Variants in KCNQ1OT1 observed in about 807,000 individuals in gnomAD.
KCNQ1OT1 encodes the protein KCNQ1 antisense RNA 2 (non-protein coding).
exon 1 of KCNQ1OT1, chr11:2,692,129 T>A (rs1373775280): frequency 2.5e-6 from 1 of 398,618 alleles, no homozygotes; most frequent in Non-Finnish European, 4.4e-6. Flanking sequence ...TAGCCCACTC[T>A]ACTGAAGGCC....
exon 1 of KCNQ1OT1, chr11:2,684,752 G>C (rs1850455100): frequency 2.5e-6 from 1 of 398,648 alleles, no homozygotes; most frequent in Middle Eastern, 6.3e-4. Flanking sequence ...GGGAGAAAAG[G>C]GGTAAGGGAG....
exon 1 of KCNQ1OT1, chr11:2,629,902 A>G: frequency 2.5e-6 from 1 of 398,112 alleles, no homozygotes; most frequent in Non-Finnish European, 4.4e-6. Context: ...TTCTGATTTG[A>G]GTGTATTTAT....
At chr11:2,684,021 T>G (rs1431547662) in exon 1 of KCNQ1OT1, 1 of 398,302 alleles carries the variant, frequency 2.5e-6, no homozygotes, top group African/African-American at 2.1e-5. Flanking sequence ...TTAGTCAACA[T>G]CAGCTAACTT....
At position 2,673,329 on chromosome 11, in the gene KCNQ1OT1, T is replaced by G. The variant is rs1293028244; in HGVS notation, n.26666A>C. ...AATCCCACAGGCTACCAGGCCAGCTTTTGGAAACAGTCTCATTAGCAAACA... is the reference window on the plus strand; with the variant it reads ...AATCCCACAGGCTACCAGGCCAGCTGTTGGAAACAGTCTCATTAGCAAACA... On this transcript the variant is annotated non_coding_transcript_exon_variant, in exon 1 of 1. Transcript: ENST00000597346. This position sits in a 1 kb window ranked among gnomAD's most constrained non-coding sequence, Gnocchi z 4.5. The G allele has an allele frequency of 5.0e-6, 2 of 398,594 alleles. No individual in the cohort carries two copies. Among genetic ancestry groups the G allele is most frequent in the Non-Finnish European group, 8.8e-6 (2 of 226,156 alleles). The allele number at this position is 398,594 out of a possible 1,614,324, so 24.7% of individuals were successfully genotyped here.
chr11:2,635,606 C>T (rs1299011698), exon 1 of KCNQ1OT1: 1 of 152,188 alleles, frequency 6.6e-6, no homozygotes, highest in Non-Finnish European at 1.5e-5. Context: ...AGTTTGAAGT[C>T]AGGTAGCGTG....
rs1019414719 is a variant in KCNQ1OT1 at position 2,670,329 on chromosome 11, G to C, written n.29666C>G. On this transcript the variant is annotated non_coding_transcript_exon_variant, in exon 1 of 1. Transcript: ENST00000597346. This position sits in a 1 kb window ranked among gnomAD's most constrained non-coding sequence, Gnocchi z 4.9. Reference sequence around the variant, plus strand: ...AGAGATAATCTCAAATATGGTAGCAGAGTTCAGACTCAGTGGCTTTCAGAT... The same window carrying C: ...AGAGATAATCTCAAATATGGTAGCACAGTTCAGACTCAGTGGCTTTCAGAT... The C allele has an allele frequency of 2.5e-6, 1 of 398,462 alleles. No homozygotes were observed. The highest frequency in any genetic ancestry group is 2.1e-5 in the African/African-American group (1 of 48,600). 24.7% of individuals were successfully genotyped at this position (398,462 alleles called of 1,614,324 possible).
In KCNQ1OT1 at chr11:2,658,438, G is replaced by T. The variant is rs1362153619; in HGVS notation, n.41557C>A. The T allele has an allele frequency of 2.3e-5, 9 of 398,466 alleles. No individual in the cohort carries two copies. In the Admixed American group the frequency reaches 3.1e-4, roughly 14 times the overall value. The allele number at this position is 398,466 out of a possible 1,614,324, so 24.7% of individuals were successfully genotyped here. A position where few individuals can be genotyped will look rare whatever the true frequency, so the allele number is the denominator to read the frequency against. On this transcript the variant is annotated non_coding_transcript_exon_variant, in exon 1 of 1. Transcript: ENST00000597346. The surrounding 1 kb of genome is among the most constrained non-coding windows in gnomAD (Gnocchi z 4.9). ...ATTGTTCAAGCTGTGGCCACTGGTG[G>T]GTTCATGTGTCCTTTTGATGTGCCC...
Position 2,651,124 on chromosome 11 carries a change from A to G in KCNQ1OT1, n.48871T>C, listed in dbSNP as rs1849750290. The G allele has an allele frequency of 5.0e-6, 2 of 398,544 alleles. No individual in the cohort carries two copies. Among genetic ancestry groups the G allele is most frequent in the East Asian group, 3.6e-5 (1 of 28,078 alleles). 24.7% of individuals were successfully genotyped at this position (398,544 alleles called of 1,614,324 possible). A position where few individuals can be genotyped will look rare whatever the true frequency, so the allele number is the denominator to read the frequency against. On this transcript the variant is annotated non_coding_transcript_exon_variant, in exon 1 of 1. Coordinates refer to ENST00000597346, the Ensembl canonical transcript of KCNQ1OT1. The surrounding 1 kb of genome is among the most constrained non-coding windows in gnomAD (Gnocchi z 6.1). Reference sequence around the variant, plus strand: ...TTGCTTCCTGTACTCCATTCTTCACATAACAGCTCAAGGGAGTTCTTTAAA... The same window carrying G: ...TTGCTTCCTGTACTCCATTCTTCACGTAACAGCTCAAGGGAGTTCTTTAAA...
rs1850312795 is a variant in KCNQ1OT1 at position 2,677,395 on chromosome 11, A to G, written n.22600T>C. 1 of 398,502 alleles carries G rather than the reference A, an allele frequency of 2.5e-6. No homozygotes were observed. The highest frequency in any genetic ancestry group is 2.1e-5 in the African/African-American group (1 of 48,642). 24.7% of individuals were successfully genotyped at this position (398,502 alleles called of 1,614,324 possible). On this transcript the variant is annotated non_coding_transcript_exon_variant, in exon 1 of 1. Transcript: ENST00000597346. This position sits in a 1 kb window ranked among gnomAD's most constrained non-coding sequence, Gnocchi z 4.5. ...TCAGTTGAAGAGGAAACCAAGATCG[A>G]TGCCTAGATAAGCATTTCAGAGGAC...
chr11:2,629,400 T>A, exon 1 of KCNQ1OT1: 1 of 398,520 alleles, frequency 2.5e-6, no homozygotes. Context: ...ATGAAGTCAA[T>A]ACCAAATCCA....
chr11:2,655,109 C>T (rs1849821607), exon 1 of KCNQ1OT1: 1 of 398,386 alleles, frequency 2.5e-6, no homozygotes, highest in South Asian at 1.3e-4. Context: ...ATTCAAATCC[C>T]CCTATCGAGC....
At chr11:2,639,311 T>C (rs1190694810) in exon 1 of KCNQ1OT1, 1 of 152,236 alleles carries the variant, frequency 6.6e-6, no homozygotes, top group African/African-American at 2.4e-5. Context: ...AATTTTCTGC[T>C]TTTCTGCTGT....
chr11:2,647,251 C>A lies in KCNQ1OT1; in HGVS notation n.52744G>T, dbSNP rs1408506754. 2 of 397,964 alleles carry A rather than the reference C, an allele frequency of 5.0e-6. No individual in the cohort carries two copies. The highest frequency in any genetic ancestry group is 4.1e-5 in the African/African-American group (2 of 48,514). 24.7% of individuals were successfully genotyped at this position (397,964 alleles called of 1,614,324 possible). A position where few individuals can be genotyped will look rare whatever the true frequency, so the allele number is the denominator to read the frequency against. ...GATGATCATGTATTTTTTTGTCCTTCCTTCTGTTAATGTGATGTATCACAT... is the reference window on the plus strand; with the variant it reads ...GATGATCATGTATTTTTTTGTCCTTACTTCTGTTAATGTGATGTATCACAT... On this transcript the variant is annotated non_coding_transcript_exon_variant, in exon 1 of 1. Coordinates refer to ENST00000597346, the Ensembl canonical transcript of KCNQ1OT1. This position sits in a 1 kb window ranked among gnomAD's most constrained non-coding sequence, Gnocchi z 4.0.
exon 1 of KCNQ1OT1, chr11:2,667,717 G>A (rs537597797): frequency 2.4e-4 from 94 of 398,764 alleles, no homozygotes; most frequent in East Asian, 9.3e-4. Flanking sequence ...TCTGGAAGCC[G>A]TGTCCCCTTA....
exon 1 of KCNQ1OT1, chr11:2,684,561 A>G: frequency 2.5e-6 from 1 of 398,672 alleles, no homozygotes; most frequent in African/African-American, 2.1e-5. Context: ...TCCATGTCCC[A>G]TAAATGACTT....
chr11:2,635,817 A>G (rs1849455500), exon 1 of KCNQ1OT1: 2 of 152,238 alleles, frequency 1.3e-5, no homozygotes, highest in South Asian at 4.1e-4. Context: ...ATCCATGAGC[A>G]TGGAATGTTC....
exon 1 of KCNQ1OT1, chr11:2,666,614 C>G: frequency 2.5e-6 from 1 of 398,666 alleles, no homozygotes; most frequent in South Asian, 1.3e-4. Flanking sequence ...GGGCAAACGT[C>G]ACAAGGGTGG....
chr11:2,689,283 C>T (rs1416091146), exon 1 of KCNQ1OT1: 1 of 398,608 alleles, frequency 2.5e-6, no homozygotes, highest in Non-Finnish European at 4.4e-6. Flanking sequence ...GCACAGATAT[C>T]TCCCACTCCA....
Position 2,676,725 on chromosome 11 carries a change from A to C in KCNQ1OT1, n.23270T>G, listed in dbSNP as rs568119137. The stretch of plus-strand genomic sequence containing the variant: ...GGCAGGAGATAACCAAGTCATATGC[A>C]TAGTGGCTTTGGGTACGATGGTCTG... On this transcript the variant is annotated non_coding_transcript_exon_variant, in exon 1 of 1. Coordinates refer to ENST00000597346, the Ensembl canonical transcript of KCNQ1OT1. This position sits in a 1 kb window ranked among gnomAD's most constrained non-coding sequence, Gnocchi z 4.2. 30 of 398,702 alleles carry C rather than the reference A, an allele frequency of 7.5e-5. No homozygotes were observed. The East Asian group carries it at 9.6e-4, about 13-fold the overall frequency. The allele number at this position is 398,702 out of a possible 1,614,324, so 24.7% of individuals were successfully genotyped here. A position where few individuals can be genotyped will look rare whatever the true frequency, so the allele number is the denominator to read the frequency against.
Sources: allele counts gnomAD v4.1 joint callset, GRCh38; gene constraint gnomAD v4.1.1; non-coding constraint Gnocchi (gnomAD v3.1); transcripts MANE v1.5; gene names NCBI Gene and HGNC (gene_info 2026-07-23, HGNC 2026-07-21).